DNM3: variants seen among roughly 807,000 people sequenced by gnomAD.
The protein encoded by DNM3 is dynamin 3.
A neutral mutation model predicts 101.6 loss-of-function variants in DNM3; 47 were observed. The ratio of observed to expected loss-of-function variants is 0.46; its 90% CI spans 0.37 to 0.59. DNM3 has a LOEUF of 0.59. DNM3 is among the 20% of genes least tolerant of loss of function. The pLI is 0.00. For missense variants in DNM3, 849 were observed against 1,085.7 expected (o/e 0.78, Z 3.06); for synonymous variants, 385 against 387.9 (o/e 0.99, Z 0.09).
At chr1:172,314,349 C>T (rs1286550694) in intron 16 of DNM3, among the ~76,000 whole-genome samples, 1 of 152,148 alleles carries the variant, frequency 6.6e-6, no homozygotes, top group East Asian at 1.9e-4. Flanking sequence ...TCTGAGGTAG[C>T]AGGTTCATCT....
intron 2 of DNM3, among the ~76,000 whole-genome samples, chr1:171,972,871 A>ACAG (rs1491410557): frequency 1.4e-5 from 2 of 146,678 alleles, no homozygotes; most frequent in African/African-American, 5.4e-5. Context: ...AAAAACAAAA[A>ACAG]CAACAACAAC....
intron 14 of DNM3, among the ~76,000 whole-genome samples, chr1:172,165,869 T>A (rs2058724778): frequency 6.6e-6 from 1 of 152,098 alleles, no homozygotes; most frequent in African/African-American, 2.4e-5. Flanking sequence ...ATTCTTCACA[T>A]TGCCTAAAAC....
intron 4 of DNM3, among the ~76,000 whole-genome samples, chr1:172,021,583 T>A (rs935781990): frequency 6.6e-6 from 1 of 152,248 alleles, no homozygotes; most frequent in Non-Finnish European, 1.5e-5. Context: ...ATTACTGTAT[T>A]GATGCAGTTG....
chr1:172,248,830 T>C (rs955413504), intron 14 of DNM3, among the ~76,000 whole-genome samples: 1 of 152,150 alleles, frequency 6.6e-6, no homozygotes, highest in African/African-American at 2.4e-5. Context: ...GCTTTGGTTG[T>C]CAGACATTTT....
rs751002622 is a variant in DNM3, at chr1:172,068,918, C to G, written c.1422+13C>G. The G allele has an allele frequency of 1.5e-5, 24 of 1,553,746 alleles. No homozygotes were observed. Among genetic ancestry groups the G allele is most frequent in the Non-Finnish European group, 1.2e-5 (14 of 1,147,890 alleles). On this transcript the variant is annotated intron_variant, in intron 11 of 20. Coordinates refer to ENST00000627582, the MANE Select transcript of DNM3 (RefSeq NM_015569.5). ...GACAAAGGACCAGGTAAAGAGAGGT[C>G]TTCCCTGGTGGGCAGGGAGATTGTG...
At chr1:172,208,026 A>G (rs2060382102) in intron 14 of DNM3, among the ~76,000 whole-genome samples, 1 of 152,100 alleles carries the variant, frequency 6.6e-6, no homozygotes, top group African/African-American at 2.4e-5. Context: ...TTATGTAGAA[A>G]GTGAAAAAAA....
In DNM3 at chr1:172,386,032, T is replaced by C. The variant is rs147389456; in HGVS notation, c.2059-1101T>C. ...GAATGCTGTGTGACCTAGCACAAGA[T>C]ACTTAAATTCTTGGAACTTGTTTCT... On this transcript the variant is annotated intron_variant, in intron 18 of 20. Coordinates refer to ENST00000627582, the MANE Select transcript of DNM3 (RefSeq NM_015569.5). Among the ~76,000 whole-genome samples, 361 of 152,376 alleles carry C rather than the reference T, an allele frequency of 2.4e-3. 3 individuals carry two copies. The highest frequency in any genetic ancestry group is 8.1e-3 in the African/African-American group (338 of 41,590).
intron 4 of DNM3, among the ~76,000 whole-genome samples, chr1:172,008,195 T>A (rs116537162): frequency 0.012 from 1,763 of 152,096 alleles, 47 homozygotes; most frequent in African/African-American, 0.04. Context: ...TGCAGAAGTT[T>A]TTTAGTGTGA....
intron 16 of DNM3, among the ~76,000 whole-genome samples, chr1:172,315,108 G>C (rs1331070148): frequency 4.6e-5 from 7 of 152,184 alleles, no homozygotes; most frequent in Non-Finnish European, 8.8e-5. Flanking sequence ...TGCAGACACC[G>C]CTGCTGATAC....
downstream of DNM3, among the ~76,000 whole-genome samples, chr1:172,415,675 G>C (rs989355806): frequency 6.6e-6 from 1 of 151,790 alleles, no homozygotes; most frequent in African/African-American, 2.4e-5. Context: ...GATTACAGGC[G>C]TGTGCCACCA....
intron 2 of DNM3, among the ~76,000 whole-genome samples, chr1:171,926,907 A>G (rs532932853): frequency 6.6e-6 from 1 of 152,316 alleles, no homozygotes; most frequent in East Asian, 1.9e-4. Context: ...TCAACCTGGT[A>G]AAGGGCTTAT....
chr1:172,162,782 A>T (rs1040584552), intron 14 of DNM3, among the ~76,000 whole-genome samples: 4 of 152,136 alleles, frequency 2.6e-5, no homozygotes, highest in African/African-American at 9.6e-5. Flanking sequence ...AATCTATTTT[A>T]ATCTATACTG....
intron 2 of DNM3, among the ~76,000 whole-genome samples, chr1:171,947,671 G>C (rs1167285877): frequency 6.6e-6 from 1 of 152,024 alleles, no homozygotes; most frequent in Non-Finnish European, 1.5e-5. Flanking sequence ...AAGTAAATTT[G>C]TTTGCTTTGG....
rs202077890 is a variant in DNM3, at chr1:172,163,948, C to CAT, written c.1659+32668_1659+32669dup. Among the ~76,000 whole-genome samples the CAT allele has an allele frequency of 8.5e-5, 10 of 117,614 alleles. No individual in the cohort carries two copies. The East Asian group carries it at 1.1e-3, about 13-fold the overall frequency. 77.2% of individuals were successfully genotyped at this position (117,614 alleles called of 152,430 possible). A position where few individuals can be genotyped will look rare whatever the true frequency, so the allele number is the denominator to read the frequency against. On this transcript the variant is annotated intron_variant, in intron 14 of 20. Coordinates refer to ENST00000627582, the MANE Select transcript of DNM3 (RefSeq NM_015569.5). ...GCATGTGCATATATACACATGCATA[C>CAT]ATATATATACACACACACACACACA...
intron 4 of DNM3, among the ~76,000 whole-genome samples, chr1:172,025,152 G>A (rs2048111442): frequency 6.6e-6 from 1 of 152,214 alleles, no homozygotes; most frequent in East Asian, 1.9e-4. Context: ...TGGAGTAGGT[G>A]GTTTTCCCCT....
chr1:172,209,669 T>C (rs2060446137), intron 14 of DNM3, among the ~76,000 whole-genome samples: 1 of 151,972 alleles, frequency 6.6e-6, no homozygotes. Context: ...TCCATGCTGA[T>C]CCACAACTGC....
At chr1:172,122,740 G>A (rs2056397115) in intron 13 of DNM3, among the ~76,000 whole-genome samples, 1 of 152,114 alleles carries the variant, frequency 6.6e-6, no homozygotes, top group African/African-American at 2.4e-5. Flanking sequence ...CCACTAGAGA[G>A]GTTTTATTTT....
chr1:172,164,089 C>G (rs942935481), intron 14 of DNM3, among the ~76,000 whole-genome samples: 2 of 151,892 alleles, frequency 1.3e-5, no homozygotes, highest in African/African-American at 2.4e-5. Context: ...TTATAATGAA[C>G]TAACCACTAA....
Position 172,209,475 on chromosome 1 carries a change from C to T in DNM3, c.1660-44098C>T, listed in dbSNP as rs982323357. On this transcript the variant is annotated intron_variant, in intron 14 of 20. Coordinates refer to ENST00000627582, the MANE Select transcript of DNM3 (RefSeq NM_015569.5). The stretch of plus-strand genomic sequence containing the variant: ...CTAGATATGATTCTGGTTTATTAAA[C>T]ATTTCTGTTTACCCAGGAGCCAAGT... Among the ~76,000 whole-genome samples, 4 of 151,962 alleles carry T rather than the reference C, an allele frequency of 2.6e-5. No homozygotes were observed. The East Asian group carries it at 7.7e-4, about 29-fold the overall frequency.
Sources: allele counts gnomAD v4.1 joint callset (sites outside exome capture counted in the v4.1 genomes callset), GRCh38; gene constraint gnomAD v4.1.1; transcripts MANE v1.5; gene names NCBI Gene and HGNC (gene_info 2026-07-23, HGNC 2026-07-21).